LARP4B: variants seen among roughly 807,000 people sequenced by gnomAD.
LARP4B encodes La ribonucleoprotein 4B.
LARP4B carries 12 observed loss-of-function variants against 89.8 expected under a neutral mutation model. That is an observed-to-expected ratio of 0.13 (90% confidence interval 0.09 to 0.22). The LOEUF (loss-of-function observed/expected upper bound fraction) is 0.22. LARP4B is among the 10% of genes least tolerant of loss of function. LARP4B has a pLI of 1.00. For synonymous variants in LARP4B, 367 were observed against 363.3 expected (o/e 1.01, Z -0.12); for missense variants, 757 against 947.7 (o/e 0.80, Z 2.64).
chr10:986,614 C>T, the LARP4B span: 9 of 152,206 alleles, frequency 5.9e-5, no homozygotes, highest in Admixed American at 3.9e-4. Flanking sequence ...CATGATGAGT[C>T]ATTATGGTTG....
At chr10:815,193 G>C in intron 15 of LARP4B, 123 bp from the exon 16 acceptor site, 4 of 1,180,154 alleles carry the variant, frequency 3.4e-6, no homozygotes, top group Non-Finnish European at 4.6e-6. Context: ...AGGGGAAGAG[G>C]GTCTTCTCCA....
chr10:821,999 T>C (rs917655130), intron 13 of LARP4B, among the ~76,000 whole-genome samples: 1 of 152,200 alleles, frequency 6.6e-6, no homozygotes, highest in Non-Finnish European at 1.5e-5. Flanking sequence ...TCCATGCCTG[T>C]GGCCTCACAG....
chr10:854,886 T>G (rs537043623), intron 5 of LARP4B, among the ~76,000 whole-genome samples: 2 of 152,258 alleles, frequency 1.3e-5, no homozygotes, highest in Non-Finnish European at 2.9e-5. Context: ...AAGGCTATTT[T>G]GTCTCGATTG....
At chr10:934,565 C>T (rs1229902087), upstream of LARP4B, among the ~76,000 whole-genome samples, 1 of 152,078 alleles carries the variant, frequency 6.6e-6, no homozygotes, top group Non-Finnish European at 1.5e-5. Flanking sequence ...TAATCCTTTC[C>T]AACAATCAGA....
chr10:933,475 G>T (rs1210181569), upstream of LARP4B, among the ~76,000 whole-genome samples: 1 of 152,030 alleles, frequency 6.6e-6, no homozygotes, highest in Non-Finnish European at 1.5e-5. Flanking sequence ...AAGCCTCTCC[G>T]GCTTCCCATA....
At chr10:880,582 A>G (rs1198452674) in intron 3 of LARP4B, among the ~76,000 whole-genome samples, 1 of 152,136 alleles carries the variant, frequency 6.6e-6, no homozygotes, top group African/African-American at 2.4e-5. Context: ...GCTACTCAGA[A>G]GGCTGAGGCA....
chr10:897,398 G>A (rs1413758889), intron 1 of LARP4B, among the ~76,000 whole-genome samples: 1 of 152,086 alleles, frequency 6.6e-6, no homozygotes, highest in Admixed American at 6.5e-5. Flanking sequence ...AGAACTAAAT[G>A]TAAAAGCTAA....
chr10:820,801 G>C lies in LARP4B; in HGVS notation c.1529C>G (p.Thr510Arg). ...GAGGTATATGCTTTATGTACTCACT[G>C]TAAACTTCTCCTCCCTTTTCTTCCG... Reference protein sequence around the residue: ...GYRKKREEKFTSSQTQSPTPP... With the variant: ...GYRKKREEKFRSSQTQSPTPP... The change falls in exon 14 of 18, where the codon ACA (threonine) becomes AGA (arginine). Residue 510 changes from threonine to arginine, a missense_variant and splice_region_variant. Around this residue, in one of 5 missense-constraint regions of LARP4B, gnomAD observed 387 missense variants for 423.6 expected, o/e 0.91. Coordinates refer to ENST00000316157, the MANE Select transcript of LARP4B (RefSeq NM_015155.3). 6.2e-7 allele frequency: 1 copy of C among 1,612,566 alleles called. No homozygotes were observed. The highest frequency in any genetic ancestry group is 1.1e-5 in the South Asian group (1 of 91,000).
At position 850,210 on chromosome 10, in the gene LARP4B, A is replaced by G. The variant is rs531914600; in HGVS notation, c.431-5155T>C. Among the ~76,000 whole-genome samples, 66 of 152,370 alleles carry G rather than the reference A, an allele frequency of 4.3e-4. 2 individuals carry two copies. In the Middle Eastern group the frequency reaches 0.014, roughly 31 times the overall value. ...AGATGAGAGACCTAAACCTAACCAA[A>G]GCAATTACCACACTAAATGTTAACG... On this transcript the variant is annotated intron_variant, in intron 5 of 17. Coordinates refer to ENST00000316157, the MANE Select transcript of LARP4B (RefSeq NM_015155.3).
intron 5 of LARP4B, among the ~76,000 whole-genome samples, chr10:860,983 C>T (rs1834575726): frequency 6.6e-6 from 1 of 152,092 alleles, no homozygotes; most frequent in Non-Finnish European, 1.5e-5. Context: ...GGTGAAACCC[C>T]GTCTCTACTA....
At chr10:844,805 G>A (rs367910703) in intron 6 of LARP4B, among the ~76,000 whole-genome samples, 172 bp downstream of exon 6, 1 of 151,744 alleles carries the variant, frequency 6.6e-6, no homozygotes, top group African/African-American at 2.4e-5. Context: ...TGAAGGTTAC[G>A]TTCCATGCTC....
intron 1 of LARP4B, among the ~76,000 whole-genome samples, chr10:921,273 CAA>C (rs533813082): frequency 1.4e-5 from 2 of 138,604 alleles, no homozygotes; most frequent in African/African-American, 2.7e-5. Context: ...AACTCCATCT[CAA>C]AAAAAAAAAG....
the LARP4B span, among the ~76,000 whole-genome samples, chr10:955,011 C>T: frequency 4.0e-3 from 163 of 41,232 alleles, no homozygotes; most frequent in East Asian, 0.043. This position sits in a 1 kb window ranked among gnomAD's most constrained non-coding sequence, Gnocchi z 5.2. Context: ...CCACGCTTCC[C>T]CAGGACAGCT....
chr10:980,478 C>T, the LARP4B span, among the ~76,000 whole-genome samples: 171 of 152,354 alleles, frequency 1.1e-3, no homozygotes, highest in Admixed American at 2.2e-3. Context: ...TCTCATACAT[C>T]CTCTGAAATC....
downstream of LARP4B, chr10:808,655 T>C (rs1398059023): frequency 6.6e-6 from 1 of 151,968 alleles, no homozygotes; most frequent in Non-Finnish European, 1.5e-5. Context: ...CCACATGGCA[T>C]AAAGTAAAAC....
chr10:809,433 A>T (rs1377605595), downstream of LARP4B: 1 of 152,240 alleles, frequency 6.6e-6, no homozygotes, highest in African/African-American at 2.4e-5. Context: ...CCAATCATAT[A>T]TGAGGCCCGT....
intron 1 of LARP4B, among the ~76,000 whole-genome samples, chr10:915,091 T>C (rs1384244696): frequency 6.6e-6 from 1 of 152,192 alleles, no homozygotes; most frequent in Non-Finnish European, 1.5e-5. Flanking sequence ...TTTTAAGTGG[T>C]TGTAAAAAGT....
the LARP4B span, among the ~76,000 whole-genome samples, chr10:967,205 C>G: frequency 6.6e-6 from 1 of 152,188 alleles, no homozygotes; most frequent in Non-Finnish European, 1.5e-5. Flanking sequence ...CACACACAAA[C>G]AGGACAAACG....
At chr10:850,243 T>C (rs767888320) in intron 5 of LARP4B, among the ~76,000 whole-genome samples, 12 of 152,284 alleles carry the variant, frequency 7.9e-5, no homozygotes, top group Middle Eastern at 3.4e-3. Context: ...ACGTTCTAAA[T>C]AGAAGACAAA....
Sources: allele counts gnomAD v4.1 joint callset (sites outside exome capture counted in the v4.1 genomes callset), GRCh38; gene constraint gnomAD v4.1.1; regional missense constraint gnomAD v4.1.1; non-coding constraint Gnocchi (gnomAD v3.1); transcripts MANE v1.5; gene names NCBI Gene and HGNC (gene_info 2026-07-23, HGNC 2026-07-21).